ACSM3: variants seen among roughly 807,000 people sequenced by gnomAD.
ACSM3 encodes acyl-coenzyme A synthetase ACSM3, mitochondrial.
In ACSM3, 61 loss-of-function variants were observed where a neutral mutation model predicts 74.1. That is an observed-to-expected ratio of 0.82 (90% CI 0.67 to 1.02). ACSM3 has a LOEUF of 1.02. Among genes scored for constraint, ACSM3 ranks in the 50% least tolerant of loss-of-function variants. The pLI is 0.00. For missense variants in ACSM3, 660 were observed against 697.0 expected (o/e 0.95, Z 0.60); for synonymous variants, 213 against 241.5 (o/e 0.88, Z 1.09).
intron 1 of ACSM3, among the ~76,000 whole-genome samples, chr16:20,691,920 A>C (rs1201928460): frequency 6.6e-6 from 1 of 152,066 alleles, no homozygotes; most frequent in Non-Finnish European, 1.5e-5. Context: ...ACAGGCGAGA[A>C]TGAAACTGAT....
At chr16:20,785,315 A>C (rs2152475263) in intron 8 of ACSM3, among the ~76,000 whole-genome samples, 1 of 152,336 alleles carries the variant, frequency 6.6e-6, no homozygotes, top group South Asian at 2.1e-4. Context: ...GACAAACACC[A>C]CTGTTAATGG....
intron 1 of ACSM3, chr16:20,738,161 T>G (rs955177234): frequency 3.3e-5 from 21 of 632,294 alleles, no homozygotes; most frequent in African/African-American, 7.3e-5. Flanking sequence ...ATTTTAACTT[T>G]TCATCATTAT....
At chr16:20,728,497 G>A in intron 1 of ACSM3, 3 of 1,057,370 alleles carry the variant, frequency 2.8e-6, no homozygotes, top group Non-Finnish European at 4.2e-6. Flanking sequence ...GTGATATGAG[G>A]ATAGAAAGTG....
chr16:20,731,390 A>G (rs1416137770), intron 1 of ACSM3, among the ~76,000 whole-genome samples: 1 of 152,152 alleles, frequency 6.6e-6, no homozygotes, highest in Non-Finnish European at 1.5e-5. Context: ...CTGTAAATAG[A>G]ACTTAGCTTT....
chr16:20,720,056 T>C (rs2079779925), intron 1 of ACSM3, among the ~76,000 whole-genome samples: 1 of 152,160 alleles, frequency 6.6e-6, no homozygotes, highest in African/African-American at 2.4e-5. Flanking sequence ...TGTTCACCTG[T>C]TATTTTGCTA....
chr16:20,730,586 T>A (rs751198238), intron 1 of ACSM3, among the ~76,000 whole-genome samples: 1 of 152,174 alleles, frequency 6.6e-6, no homozygotes, highest in Non-Finnish European at 1.5e-5. Flanking sequence ...CCCCTACTCT[T>A]ACCTCTTATA....
In ACSM3 at chr16:20,781,043, A is replaced by G. The variant is rs774415529; in HGVS notation, c.852A>G (p.Ala284=). 7 of 1,614,184 alleles carry G rather than the reference A, an allele frequency of 4.3e-6. No individual in the cohort carries two copies. The South Asian group carries it at 6.6e-5, about 15-fold the overall frequency. ...NTSDTGWAKS[A]WSSVFSPWIQ... ...CAGATACGGGCTGGGCAAAGTCTGCATGGAGTAGTGTTTTTTCTCCGTGGA... is the reference window on the plus strand; with the variant it reads ...CAGATACGGGCTGGGCAAAGTCTGCGTGGAGTAGTGTTTTTTCTCCGTGGA... The change falls in exon 6 of 14, where the codon GCA becomes GCG. Residue 284 remains alanine (A), a synonymous_variant. Transcript: ENST00000289416.
intron 1 of ACSM3, chr16:20,741,732 G>A (rs2079927514): frequency 1.3e-6 from 2 of 1,569,222 alleles, no homozygotes; most frequent in East Asian, 2.3e-5. Flanking sequence ...CTGGGCAGGG[G>A]CCGCCATGGT....
At chr16:20,748,033 G>A (rs1596497063) in intron 1 of ACSM3, among the ~76,000 whole-genome samples, 1 of 152,044 alleles carries the variant, frequency 6.6e-6, no homozygotes, top group South Asian at 2.1e-4. Flanking sequence ...GCTACTTGGG[G>A]GGCTGAGGTG....
rs570825699 is a variant in ACSM3, at chr16:20,739,143, G to A, written c.-189-10767G>A. Reference sequence around the variant, plus strand: ...TTAAACACTATAAGTAATTATTTATGTGAAGTCCCTGGCGGCAGGTGGCTC... The same window carrying A: ...TTAAACACTATAAGTAATTATTTATATGAAGTCCCTGGCGGCAGGTGGCTC... On this transcript the variant is annotated intron_variant, in intron 1 of 3. Transcript: ENST00000561584. The A allele has an allele frequency of 7.5e-5, 110 of 1,467,722 alleles. 2 individuals are homozygous for A. In the South Asian group the frequency reaches 1.2e-3, roughly 17 times the overall value. 90.9% of individuals were successfully genotyped at this position (1,467,722 alleles called of 1,614,324 possible).
At chr16:20,693,169 C>CAA (rs35507753) in intron 1 of ACSM3, among the ~76,000 whole-genome samples, 4 of 114,466 alleles carry the variant, frequency 3.5e-5, no homozygotes, top group Non-Finnish European at 3.7e-5. Flanking sequence ...AATTCCGTCT[C>CAA]AAAAAAAAAA....
intron 1 of ACSM3, among the ~76,000 whole-genome samples, chr16:20,691,441 C>G (rs1316024541): frequency 6.6e-6 from 1 of 152,176 alleles, no homozygotes; most frequent in Non-Finnish European, 1.5e-5. Flanking sequence ...GGTTATATAG[C>G]TACTATTATG....
chr16:20,746,623 C>T (rs1266549804), intron 1 of ACSM3, among the ~76,000 whole-genome samples: 1 of 152,222 alleles, frequency 6.6e-6, no homozygotes, highest in Non-Finnish European at 1.5e-5. Flanking sequence ...GCACTTGTCA[C>T]ATTTGTGCTT....
At chr16:20,750,684 C>A (rs2079982452) in intron 2 of ACSM3, among the ~76,000 whole-genome samples, 1 of 152,128 alleles carries the variant, frequency 6.6e-6, no homozygotes, top group Admixed American at 6.6e-5. Context: ...CCTAGCACAC[C>A]TTGACTAATA....
At chr16:20,741,628 G>C (rs1265574396) in intron 1 of ACSM3, 1 of 1,574,116 alleles carries the variant, frequency 6.4e-7, no homozygotes. Flanking sequence ...GGCTCTAGCT[G>C]ACGGGGCCCG....
intron 1 of ACSM3, among the ~76,000 whole-genome samples, chr16:20,729,868 G>C (rs1169455154): frequency 4.6e-5 from 7 of 152,046 alleles, no homozygotes; most frequent in Admixed American, 3.3e-4. Context: ...AGGTTGGCAA[G>C]TCTTAGTCTC....
At position 20,772,973 on chromosome 16, in the gene ACSM3, A is replaced by G. The variant is rs957409098; in HGVS notation, c.219+2720A>G. ...CAAGAGTGAGACTCCCTCTCAAAAA[A>G]AAAAAAAAAAGATTTAGTGTTAGTT... On this transcript the variant is annotated intron_variant, in intron 2 of 13. Coordinates refer to ENST00000289416, the MANE Select transcript of ACSM3 (RefSeq NM_005622.4). Among the ~76,000 whole-genome samples, 3 of 152,212 alleles carry G rather than the reference A, an allele frequency of 2.0e-5. No homozygotes were observed. The East Asian group carries it at 5.8e-4, about 29-fold the overall frequency.
At chr16:20,733,583 AC>A (rs1391818823) in intron 1 of ACSM3, 3 of 151,988 alleles carry the variant, frequency 2.0e-5, no homozygotes, top group Admixed American at 2.0e-4. Context: ...TGACATATAA[AC>A]ATATTTTATG....
At chr16:20,770,340 T>A in intron 2 of ACSM3, 87 bp downstream of exon 2, 1 of 1,213,426 alleles carries the variant, frequency 8.2e-7, no homozygotes, top group Non-Finnish European at 1.2e-6. Context: ...TAGAAATATT[T>A]TTGTTGCCAT....
Sources: allele counts gnomAD v4.1 joint callset (sites outside exome capture counted in the v4.1 genomes callset), GRCh38; gene constraint gnomAD v4.1.1; transcripts MANE v1.5; gene names NCBI Gene and HGNC (gene_info 2026-07-23, HGNC 2026-07-21).